The following FOCAD variants were observed in gnomAD, a reference collection of about 807,000 sequenced individuals.
The protein encoded by FOCAD is focadhesin.
In FOCAD, 198 loss-of-function variants were observed where a neutral mutation model predicts 225.6. That is an observed-to-expected ratio of 0.88 (90% CI 0.78 to 0.99). FOCAD has a LOEUF of 0.99. Among genes scored for constraint, FOCAD ranks in the 50% least tolerant of loss-of-function variants. FOCAD has a pLI of 0.00. For missense variants in FOCAD, 2,713 were observed against 2,123.6 expected (o/e 1.28, Z -5.46); for synonymous variants, 897 against 755.0 (o/e 1.19, Z -3.08).
rs565619021 is a variant in FOCAD at position 20,888,631 on chromosome 9, C to T, written c.2625+3401C>T. 2.0e-5 allele frequency among the ~76,000 whole-genome samples: 3 copies of T among 152,138 alleles called. No homozygotes were observed. In the South Asian group the frequency reaches 6.2e-4, roughly 32 times the overall value. The stretch of plus-strand genomic sequence containing the variant: ...ATTGAGGTATGGTATGGTTTGGCTA[C>T]GTCCCCATCCAAACCTCATCTTGAA... On this transcript the variant is annotated intron_variant, in intron 21 of 43. Coordinates refer to ENST00000338382, the MANE Select transcript of FOCAD (RefSeq NM_001375567.1).
rs1408437976 is a variant in FOCAD, at chr9:20,926,357, C to T, written c.3018C>T (p.Leu1006=). Residue 1006 remains leucine, a synonymous_variant, in exon 26 of 44, where the codon CTC becomes CTT. Transcript: ENST00000338382. ...KEWVSMVLDT[L]LVIVDSHYQP... Reference sequence around the variant, plus strand: ...GGGTTTCCATGGTACTTGATACACTCTTGGTCATTGTGGATAGCCATTACC... The same window carrying T: ...GGGTTTCCATGGTACTTGATACACTTTTGGTCATTGTGGATAGCCATTACC... 6.2e-7 allele frequency: 1 copy of T among 1,613,838 alleles called. No individual in the cohort carries two copies. Among genetic ancestry groups the T allele is most frequent in the Non-Finnish European group, 8.5e-7 (1 of 1,179,800 alleles).
intron 5 of FOCAD, among the ~76,000 whole-genome samples, chr9:20,755,831 T>G (rs936361295): frequency 6.6e-6 from 1 of 152,128 alleles, no homozygotes; most frequent in East Asian, 1.9e-4. Flanking sequence ...TGTTTGTTCC[T>G]TTGTTTTTGG....
chr9:20,857,699 A>G (rs1587417033), intron 15 of FOCAD, among the ~76,000 whole-genome samples: 1 of 150,902 alleles, frequency 6.6e-6, no homozygotes, highest in Non-Finnish European at 1.5e-5. Context: ...TTCCCCATTC[A>G]GTATTCTACT....
intron 15 of FOCAD, among the ~76,000 whole-genome samples, chr9:20,824,887 A>G (rs1824706409): frequency 6.6e-6 from 1 of 152,106 alleles, no homozygotes; most frequent in Non-Finnish European, 1.5e-5. Flanking sequence ...TATTTTATCG[A>G]TGCTTACTAA....
In FOCAD at chr9:20,951,066, C is replaced by T; in HGVS notation, c.4019C>T (p.Ser1340Phe). ...AVWLLGHLHLSTLSSSQSRAS... is the reference protein window; with the variant it reads ...AVWLLGHLHLFTLSSSQSRAS... The stretch of plus-strand genomic sequence containing the variant: ...TGGCTTCTTGGACATCTTCATCTAT[C>T]TACTCTATCCTCAAGTCAAAGTAGA... Residue 1340 changes from serine (S) to phenylalanine (F), a missense_variant, in exon 34 of 44, where the codon TCT becomes TTT. Transcript: ENST00000338382. 1 of 1,613,550 alleles carries T rather than the reference C, an allele frequency of 6.2e-7. No homozygotes were observed. The highest frequency in any genetic ancestry group is 8.5e-7 in the Non-Finnish European group (1 of 1,179,552).
At position 20,770,715 on chromosome 9, in the gene FOCAD, C is replaced by G. The variant is rs200051338; in HGVS notation, c.906+477C>G. 7.9e-5 allele frequency among the ~76,000 whole-genome samples: 12 copies of G among 152,316 alleles called. No homozygotes were observed. The East Asian group carries it at 2.3e-3, about 29-fold the overall frequency. On this transcript the variant is annotated intron_variant, in intron 8 of 43. Coordinates refer to ENST00000338382, the MANE Select transcript of FOCAD (RefSeq NM_001375567.1). Reference sequence around the variant, plus strand: ...ATCACTCAAGTGAGTCTTTCAATAACTGGGTGGATCTGCTCATTTAGTTTG... The same window carrying G: ...ATCACTCAAGTGAGTCTTTCAATAAGTGGGTGGATCTGCTCATTTAGTTTG...
intron 21 of FOCAD, among the ~76,000 whole-genome samples, chr9:20,901,385 T>C (rs1442754428): frequency 6.6e-6 from 1 of 151,892 alleles, no homozygotes; most frequent in Non-Finnish European, 1.5e-5. Flanking sequence ...CAGCAAATAC[T>C]TAGTTTACTT....
At chr9:20,799,841 A>G (rs1386718338) in intron 11 of FOCAD, among the ~76,000 whole-genome samples, 1 of 152,014 alleles carries the variant, frequency 6.6e-6, no homozygotes, top group African/African-American at 2.4e-5. Flanking sequence ...CATTTAGCCC[A>G]TTTACATTTA....
At position 20,944,719 on chromosome 9, in the gene FOCAD, G is replaced by T. The variant is rs140712285; in HGVS notation, c.3500G>T (p.Arg1167Leu). ...QSRVHVAALL[R>L]KLSAHVDDSG... Reference sequence around the variant, plus strand: ...CGCGTTCACGTAGCAGCATTGCTCCGGAAGCTGTCTGCGCACGTAGATGAC... The same window carrying T: ...CGCGTTCACGTAGCAGCATTGCTCCTGAAGCTGTCTGCGCACGTAGATGAC... The change falls in exon 29 of 44, where the codon CGG (arginine) becomes CTG (leucine). Residue 1167 changes from arginine to leucine, a missense_variant. Coordinates refer to ENST00000338382, the MANE Select transcript of FOCAD (RefSeq NM_001375567.1). 18 of 1,613,888 alleles carry T rather than the reference G, an allele frequency of 1.1e-5. No homozygotes were observed. In the African/African-American group the frequency reaches 1.9e-4, roughly 17 times the overall value.
intron 10 of FOCAD, among the ~76,000 whole-genome samples, chr9:20,788,558 C>A (rs1405350537): frequency 6.6e-6 from 1 of 152,088 alleles, no homozygotes; most frequent in African/African-American, 2.4e-5. Context: ...TATAAGTCAG[C>A]CTCTATTAAC....
At chr9:20,699,737 C>CAAA (rs71334546) in intron 1 of FOCAD, among the ~76,000 whole-genome samples, 2 of 40,568 alleles carry the variant, frequency 4.9e-5, no homozygotes, top group Non-Finnish European at 7.6e-5. Flanking sequence ...GACTCCGTCT[C>CAAA]AAAAAAAAAA....
At chr9:20,780,421 T>A (rs1260728179) in intron 9 of FOCAD, among the ~76,000 whole-genome samples, 1 of 152,236 alleles carries the variant, frequency 6.6e-6, no homozygotes, top group Non-Finnish European at 1.5e-5. Context: ...CAAATACTTT[T>A]ATTATTTCCT....
At chr9:20,700,579 TATC>T (rs1183160707) in intron 1 of FOCAD, among the ~76,000 whole-genome samples, 2 of 152,114 alleles carry the variant, frequency 1.3e-5, no homozygotes, top group East Asian at 3.8e-4. Flanking sequence ...TAAAAAGAAT[TATC>T]ATCAATTCCT....
At chr9:20,941,531 A>G (rs1376649930) in intron 28 of FOCAD, among the ~76,000 whole-genome samples, 1 of 152,220 alleles carries the variant, frequency 6.6e-6, no homozygotes, top group Non-Finnish European at 1.5e-5. Context: ...ATTTTAAAAA[A>G]TATATATCTG....
intron 2 of FOCAD, among the ~76,000 whole-genome samples, chr9:20,674,879 C>T (rs1430738344): frequency 1.3e-5 from 2 of 152,112 alleles, no homozygotes; most frequent in African/African-American, 2.4e-5. Context: ...TTCAAAATTT[C>T]CCCCCAATAC....
chr9:20,837,342 A>G (rs2131541964), intron 15 of FOCAD, among the ~76,000 whole-genome samples: 1 of 152,212 alleles, frequency 6.6e-6, no homozygotes, highest in East Asian at 1.9e-4. Flanking sequence ...TCTTTAAAAG[A>G]TCAAACAAGC....
At chr9:20,679,770 A>G (rs925853289), upstream of FOCAD, among the ~76,000 whole-genome samples, 1 of 152,216 alleles carries the variant, frequency 6.6e-6, no homozygotes, top group Admixed American at 6.5e-5. Flanking sequence ...TAAAAGGCAG[A>G]GTTTTGCATG....
At chr9:20,746,145 A>C (rs995506582) in intron 5 of FOCAD, among the ~76,000 whole-genome samples, 1 of 152,230 alleles carries the variant, frequency 6.6e-6, no homozygotes, top group Non-Finnish European at 1.5e-5. Flanking sequence ...GTGGTTGTGG[A>C]TATCAAAATG....
intron 5 of FOCAD, among the ~76,000 whole-genome samples, chr9:20,741,608 T>G (rs760130687): frequency 1.3e-5 from 2 of 151,842 alleles, no homozygotes; most frequent in Non-Finnish European, 2.9e-5. Context: ...AAAAGGAAAA[T>G]TATTTATTTG....
Sources: allele counts gnomAD v4.1 joint callset (sites outside exome capture counted in the v4.1 genomes callset), GRCh38; gene constraint gnomAD v4.1.1; transcripts MANE v1.5; gene names NCBI Gene and HGNC (gene_info 2026-07-23, HGNC 2026-07-21).